Variants in ARMH4 observed in about 807,000 individuals in gnomAD.
ARMH4 encodes armadillo like helical domain containing 4.
Under a neutral mutation model 61.9 loss-of-function variants are expected in ARMH4, and 49 were observed. The ratio of observed to expected loss-of-function variants is 0.79; its 90% CI spans 0.63 to 1.00. The LOEUF (loss-of-function observed/expected upper bound fraction) is 1.00, where lower values mean the gene tolerates loss of function less well. Among genes scored for constraint, ARMH4 ranks in the 50% least tolerant of loss-of-function variants. The pLI is 0.00. For missense variants in ARMH4, 934 were observed against 930.0 expected (o/e 1.00, Z -0.06); for synonymous variants, 368 against 341.5 (o/e 1.08, Z -0.85).
At chr14:58,008,985 G>C (rs1882286616) in intron 6 of ARMH4, among the ~76,000 whole-genome samples, 1 of 152,194 alleles carries the variant, frequency 6.6e-6, no homozygotes, top group South Asian at 2.1e-4. Context: ...TATACTAATG[G>C]GTAGCCAAGT....
At position 58,005,104 on chromosome 14, in the gene ARMH4, T is replaced by C. The variant is rs138068451; in HGVS notation, c.2200A>G (p.Ser734Gly). The C allele has an allele frequency of 1.4e-4, 220 of 1,613,948 alleles. No homozygotes were observed. The highest frequency in any genetic ancestry group is 1.8e-4 in the Non-Finnish European group (211 of 1,179,976). ...GALFILGALY[S>G]IKVMNRRRRN... Reference sequence around the variant, plus strand: ...CTTCGGCGATTCATAACCTTAATGCTGTAGAGGGCTCCCAAGATGAACAAG... The same window carrying C: ...CTTCGGCGATTCATAACCTTAATGCCGTAGAGGGCTCCCAAGATGAACAAG... The change falls in exon 7 of 8, where the codon AGC becomes GGC. Residue 734 changes from serine to glycine, a missense_variant. Transcript: ENST00000267485.
intron 2 of ARMH4, among the ~76,000 whole-genome samples, chr14:58,134,023 A>G (rs946058924): frequency 1.3e-5 from 2 of 152,222 alleles, no homozygotes; most frequent in African/African-American, 4.8e-5. Flanking sequence ...GTGGGCCTTG[A>G]GTTTCCTCAG....
intron 4 of ARMH4, among the ~76,000 whole-genome samples, chr14:58,098,991 G>A (rs755268237): frequency 2.6e-5 from 4 of 152,224 alleles, no homozygotes; most frequent in East Asian, 1.9e-4. Flanking sequence ...GAGGAGAGAG[G>A]TAGTCATATC....
At chr14:58,078,228 C>A (rs976073915) in intron 5 of ARMH4, among the ~76,000 whole-genome samples, 1 of 152,236 alleles carries the variant, frequency 6.6e-6, no homozygotes, top group African/African-American at 2.4e-5. Flanking sequence ...GTCACAGCTG[C>A]ATGTGGCTGC....
chr14:58,125,846 A>C (rs1042293383), intron 4 of ARMH4, among the ~76,000 whole-genome samples: 9 of 152,190 alleles, frequency 5.9e-5, no homozygotes, highest in Admixed American at 3.9e-4. Context: ...TGGGTTTCCT[A>C]GGCCGATTAA....
intron 1 of ARMH4, among the ~76,000 whole-genome samples, chr14:58,143,843 A>G: frequency 7.1e-6 from 1 of 140,058 alleles, no homozygotes; most frequent in Non-Finnish European, 1.5e-5. Flanking sequence ...GTGTGATCTC[A>G]GCTCACTGCT....
At chr14:58,106,416 T>C (rs1168079012) in intron 4 of ARMH4, among the ~76,000 whole-genome samples, 3 of 152,220 alleles carry the variant, frequency 2.0e-5, no homozygotes, top group Non-Finnish European at 2.9e-5. Flanking sequence ...CTGACTGCTG[T>C]GCTTGAGGTG....
intron 5 of ARMH4, among the ~76,000 whole-genome samples, chr14:58,066,243 A>T (rs1381096180): frequency 6.6e-6 from 1 of 152,228 alleles, no homozygotes; most frequent in Non-Finnish European, 1.5e-5. Flanking sequence ...GCATGTATAA[A>T]CATGTTATAA....
At chr14:58,065,370 G>A (rs180719601) in intron 5 of ARMH4, among the ~76,000 whole-genome samples, 1 of 152,198 alleles carries the variant, frequency 6.6e-6, no homozygotes, top group African/African-American at 2.4e-5. Context: ...AACCTACCAA[G>A]CATCATAATT....
At chr14:58,023,085 G>A (rs1321403886) in intron 5 of ARMH4, among the ~76,000 whole-genome samples, 9 of 152,272 alleles carry the variant, frequency 5.9e-5, no homozygotes, top group Admixed American at 2.6e-4. Flanking sequence ...GCTGATGGCC[G>A]CTGACTAATT....
intron 4 of ARMH4, among the ~76,000 whole-genome samples, chr14:58,100,586 T>C (rs1163823318): frequency 1.3e-5 from 2 of 152,140 alleles, no homozygotes; most frequent in African/African-American, 4.8e-5. Flanking sequence ...AAAAAGAGGC[T>C]GGATAGAGGA....
At chr14:58,144,340 G>A (rs750202682) in intron 1 of ARMH4, among the ~76,000 whole-genome samples, 6 of 152,092 alleles carry the variant, frequency 3.9e-5, no homozygotes, top group Non-Finnish European at 8.8e-5. Flanking sequence ...AAGGCAGGAG[G>A]ATCATCTGAG....
Position 58,090,318 on chromosome 14 carries a change from T to C in ARMH4, c.2089+6406A>G, listed in dbSNP as rs529777363. 4.6e-5 allele frequency among the ~76,000 whole-genome samples: 7 copies of C among 152,176 alleles called. No individual in the cohort carries two copies. In the East Asian group the frequency reaches 1.4e-3, roughly 29 times the overall value. ...ATGAACTCAAACCAAATAAAGATAA[T>C]AATTTAACAAGATTGATCATGGGAT... is the stretch of plus-strand genomic sequence containing the variant. On this transcript the variant is annotated intron_variant, in intron 5 of 7. Transcript: ENST00000267485.
chr14:58,014,172 T>C (rs1423903054), intron 5 of ARMH4, among the ~76,000 whole-genome samples: 1 of 152,216 alleles, frequency 6.6e-6, no homozygotes, highest in East Asian at 1.9e-4. Context: ...CTTTGGCCCT[T>C]CTACCTCCCT....
In ARMH4 at chr14:58,139,141, T is replaced by A. The variant is rs538711540; in HGVS notation, c.218A>T (p.Asp73Val). The change falls in exon 2 of 8, where the codon GAT becomes GTT. Residue 73 changes from aspartate (D) to valine (V), a missense_variant. Physicochemically the swap from Asp to Val is radical, Grantham distance 152. Coordinates refer to ENST00000267485, the MANE Select transcript of ARMH4 (RefSeq NM_001001872.4). Reference protein sequence around the residue: ...KQTPQLVVSEDPMMMSAVPSA... With the variant: ...KQTPQLVVSEVPMMMSAVPSA... ...TGGTACTGCTGACATCATCATTGGA[T>A]CTTCAGAGACCACCAGTTGGGGAGT... The A allele has an allele frequency of 7.2e-5, 116 of 1,614,246 alleles. No individual in the cohort carries two copies. In the South Asian group the frequency reaches 1.2e-3, roughly 17 times the overall value.
At chr14:58,018,263 A>G (rs1882687414) in intron 5 of ARMH4, among the ~76,000 whole-genome samples, 2 of 152,188 alleles carry the variant, frequency 1.3e-5, no homozygotes. Context: ...AAAAACAAAA[A>G]TAGAAAACCG....
intron 5 of ARMH4, among the ~76,000 whole-genome samples, chr14:58,070,130 A>G (rs1259558660): frequency 6.6e-6 from 1 of 152,178 alleles, no homozygotes; most frequent in African/African-American, 2.4e-5. Context: ...TGAAGCAGAG[A>G]AGAATTAGAG....
At chr14:58,055,083 C>T (rs922542855) in intron 5 of ARMH4, among the ~76,000 whole-genome samples, 6 of 152,128 alleles carry the variant, frequency 3.9e-5, no homozygotes, top group Admixed American at 3.3e-4. Context: ...GCCATGTAAA[C>T]TTTCATAACT....
intron 4 of ARMH4, among the ~76,000 whole-genome samples, chr14:58,108,182 C>T (rs1886231194): frequency 6.6e-6 from 1 of 152,150 alleles, no homozygotes; most frequent in South Asian, 2.1e-4. Flanking sequence ...TAAGGGATAC[C>T]AGAATTTTCT....
Sources: gnomAD v4.1 joint callset for allele counts (sites outside exome capture counted in the v4.1 genomes callset) on GRCh38, gnomAD v4.1.1 for gene constraint, MANE v1.5 for transcripts, NCBI Gene and HGNC (gene_info 2026-07-23, HGNC 2026-07-21) for gene names.